STK32C: variants seen among roughly 807,000 people sequenced by gnomAD.
The protein encoded by STK32C is serine/threonine kinase 32C.
STK32C carries 31 observed loss-of-function variants against 56.5 expected under a neutral mutation model. The ratio of observed to expected loss-of-function variants is 0.55; its 90% confidence interval spans 0.41 to 0.74. The LOEUF is 0.74. STK32C is among the 30% of genes least tolerant of loss of function. STK32C has a pLI of 0.00. For missense variants in STK32C, 544 were observed against 676.9 expected, an observed-to-expected ratio of 0.80 and a Z score of 2.18; for synonymous variants, 309 against 289.4, an observed-to-expected ratio of 1.07 and a Z score of -0.69.
At chr10:132,282,242 C>T (rs928628303) in intron 1 of STK32C, among the ~76,000 whole-genome samples, 5 of 152,268 alleles carry the variant, frequency 3.3e-5, no homozygotes, top group African/African-American at 7.2e-5. Context: ...CAGCCGCCCA[C>T]CCCGGCTCTC....
intron 2 of STK32C, among the ~76,000 whole-genome samples, chr10:132,240,211 C>T (rs2137866405): frequency 6.6e-6 from 1 of 152,358 alleles, no homozygotes; most frequent in African/African-American, 2.4e-5. Flanking sequence ...AGAACCCGGA[C>T]ACCTGCAAGC....
chr10:132,233,949 C>T (rs527811908), intron 2 of STK32C, among the ~76,000 whole-genome samples: 7 of 152,308 alleles, frequency 4.6e-5, no homozygotes, highest in Middle Eastern at 3.4e-3. Flanking sequence ...TGGGCTGGGG[C>T]GCCGTCTGAG....
At chr10:132,310,980 CAGCAAGTG>C (rs2066208402), upstream of STK32C, among the ~76,000 whole-genome samples, 1 of 152,164 alleles carries the variant, frequency 6.6e-6, no homozygotes, top group South Asian at 2.1e-4. This position sits in a 1 kb window ranked among gnomAD's most constrained non-coding sequence, Gnocchi z 4.6. Context: ...TGCTGCAGGA[CAGCAAGTG>C]AGTGGCCGTG....
At chr10:132,224,943 G>T (rs1198203871) in intron 7 of STK32C, among the ~76,000 whole-genome samples, 1 of 152,210 alleles carries the variant, frequency 6.6e-6, no homozygotes, top group Admixed American at 6.5e-5. Context: ...TTTGTGGAAA[G>T]TTCCGAGGCA....
intron 1 of STK32C, among the ~76,000 whole-genome samples, chr10:132,251,100 C>T (rs1051130388): frequency 2.0e-5 from 3 of 152,204 alleles, no homozygotes; most frequent in African/African-American, 7.2e-5. Context: ...AGGCCCCACA[C>T]ATCTGCCTCC....
In STK32C at chr10:132,255,081, G is replaced by A. The variant is rs2064061078; in HGVS notation, c.263-9126C>T. ...TTGCACAGCAGAAGTGGGCACTACT[G>A]TGAGAGCTGTCACAAAGATCAAATG... On this transcript the variant is annotated intron_variant, in intron 1 of 11. Transcript: ENST00000298630. This position sits in a 1 kb window ranked among gnomAD's most constrained non-coding sequence, Gnocchi z 4.6. Among the ~76,000 whole-genome samples the A allele has an allele frequency of 6.6e-6, 1 of 152,206 alleles. No homozygotes were observed. The highest frequency in any genetic ancestry group is 6.5e-5 in the Admixed American group (1 of 15,276).
chr10:132,224,370 G>T (rs1310036374), intron 8 of STK32C, 37 bp downstream of exon 8: 2 of 1,466,098 alleles, frequency 1.4e-6, no homozygotes, highest in Admixed American at 3.9e-5. Flanking sequence ...GGAGGTGGGT[G>T]CTCGGAGGGT....
chr10:132,268,222 A>G lies in STK32C; in HGVS notation c.263-22267T>C, dbSNP rs575835820. On this transcript the variant is annotated intron_variant, in intron 1 of 11. Coordinates refer to ENST00000298630, the MANE Select transcript of STK32C (RefSeq NM_173575.4). ...ATGCCTGTGTGCATGCATGTCCCAC[A>G]TCGTGTGTGTGTGTGTGTGTCGGTG... Among the ~76,000 whole-genome samples, 230 of 124,814 alleles carry G rather than the reference A, an allele frequency of 1.8e-3. 1 individual carries two copies. The highest frequency in any genetic ancestry group is 6.9e-3 in the African/African-American group (214 of 30,810). 81.9% of individuals were successfully genotyped at this position (124,814 alleles called of 152,430 possible). A position where few individuals can be genotyped will look rare whatever the true frequency, so the allele number is the denominator to read the frequency against.
chr10:132,274,680 C>A (rs1192067383), intron 1 of STK32C, among the ~76,000 whole-genome samples: 1 of 152,206 alleles, frequency 6.6e-6, no homozygotes, highest in Non-Finnish European at 1.5e-5. Flanking sequence ...GGCCTGTCTG[C>A]AGAATAAACC....
intron 1 of STK32C, chr10:132,249,045 ACTGTGCGACG>A (rs768922972): frequency 1.3e-5 from 6 of 475,620 alleles, no homozygotes; most frequent in African/African-American, 9.8e-5. Context: ...AAGCCTCCCG[ACTGTGCGACG>A]GAGGCGGCGG....
At chr10:132,268,712 CGTGT>C (rs781774207) in intron 1 of STK32C, among the ~76,000 whole-genome samples, 20 of 101,996 alleles carry the variant, frequency 2.0e-4, no homozygotes, top group South Asian at 7.1e-4. Flanking sequence ...TGTCTCACAT[CGTGT>C]GTGTGTGTGT....
chr10:132,258,709 C>T (rs2064207662), intron 1 of STK32C, among the ~76,000 whole-genome samples: 1 of 152,226 alleles, frequency 6.6e-6, no homozygotes, highest in Admixed American at 6.5e-5. Context: ...CCAGCAGGCC[C>T]TGGAAAGGAG....
At chr10:132,244,068 T>C (rs537101129) in intron 2 of STK32C, among the ~76,000 whole-genome samples, 1 of 152,302 alleles carries the variant, frequency 6.6e-6, no homozygotes, top group African/African-American at 2.4e-5. Context: ...TCATCCTTCC[T>C]GCCATGGGGT....
intron 1 of STK32C, chr10:132,249,099 C>T (rs1334500881): frequency 1.3e-5 from 6 of 474,294 alleles, no homozygotes; most frequent in African/African-American, 1.2e-4. Context: ...GAGGCAGCAG[C>T]AAGGCGCATG....
upstream of STK32C, chr10:132,331,977 C>A: frequency 2.1e-6 from 1 of 482,054 alleles, no homozygotes; most frequent in Non-Finnish European, 3.6e-6. Context: ...CCGCCCCCTC[C>A]CGGGCAGGCG....
Position 132,222,935 on chromosome 10 carries a change from C to A in STK32C, c.1045G>T (p.Ala349Ser). 1.3e-6 allele frequency: 2 copies of A among 1,555,360 alleles called. No individual in the cohort carries two copies. The highest frequency in any genetic ancestry group is 1.7e-6 in the Non-Finnish European group (2 of 1,153,756). ...HRLSSLQDVQ[A>S]APALAGVLWD... ...AGCACGCCGGCCAGCGCCGGGGCTG[C>A]CTGCACGTCCTGGAGGCTGGAGAGC... is the stretch of plus-strand genomic sequence containing the variant. The change falls in exon 9 of 12, where the codon GCA becomes TCA. Residue 349 changes from alanine (A) to serine (S), a missense_variant. Physicochemically the swap from Ala to Ser is moderately conservative, Grantham distance 99. Around this residue, in one of 3 missense-constraint regions of STK32C, gnomAD observed 277 missense variants for 309.3 expected, o/e 0.90. Transcript: ENST00000298630.
chr10:132,221,755 C>G (rs1296959669), intron 10 of STK32C, among the ~76,000 whole-genome samples: 26 of 143,892 alleles, frequency 1.8e-4, no homozygotes, highest in African/African-American at 6.4e-4. Flanking sequence ...CCTGCACACA[C>G]AACCAAAGCC....
rs2066095267 is a variant in STK32C, at chr10:132,307,070, A to C, written c.262+502T>G. On this transcript the variant is annotated intron_variant, in intron 1 of 11. Transcript: ENST00000298630. This position sits in a 1 kb window ranked among gnomAD's most constrained non-coding sequence, Gnocchi z 4.4. ...TGCACAACGGCCTGGCCCTGCCTCC[A>C]GCGCACATGGGTGAGCAGAGGATGG... 2 of 152,336 alleles carry C rather than the reference A, an allele frequency of 1.3e-5. No homozygotes were observed. The allele number at this position is 152,336 out of a possible 1,614,324, so 9.4% of individuals were successfully genotyped here.
intron 1 of STK32C, among the ~76,000 whole-genome samples, chr10:132,329,881 G>A (rs566596744): frequency 6.6e-6 from 1 of 152,344 alleles, no homozygotes; most frequent in South Asian, 2.1e-4. Flanking sequence ...ATACCACAGC[G>A]AAATTTCAGA....
Sources: gnomAD v4.1 joint callset for allele counts (sites outside exome capture counted in the v4.1 genomes callset) on GRCh38, gnomAD v4.1.1 for gene constraint, gnomAD v4.1.1 regional missense constraint, Gnocchi (gnomAD v3.1) non-coding constraint, MANE v1.5 for transcripts, NCBI Gene and HGNC (gene_info 2026-07-23, HGNC 2026-07-21) for gene names.